The following ACRBP variants were observed in gnomAD, a reference collection of about 807,000 sequenced individuals.
ACRBP encodes acrosin-binding protein.
ACRBP carries 52 observed loss-of-function variants against 69.0 expected under a neutral mutation model. That is an observed-to-expected ratio of 0.75 (90% CI 0.60 to 0.95). ACRBP has a LOEUF of 0.95. Ranked by LOEUF, ACRBP falls within the 40% of genes least tolerant of loss-of-function variation. The probability of loss-of-function intolerance (pLI) is 0.00; values close to 1 mark genes in which losing one functional copy is unlikely to be tolerated. For synonymous variants in ACRBP, 267 were observed against 258.9 expected (o/e 1.03, Z -0.30); for missense variants, 604 against 673.0 (o/e 0.90, Z 1.13).
intron 8 of ACRBP, among the ~76,000 whole-genome samples, chr12:6,639,855 C>T (rs1949038046): frequency 6.6e-6 from 1 of 152,120 alleles, no homozygotes; most frequent in African/African-American, 2.4e-5. Flanking sequence ...CCCTCTGGGT[C>T]CCCACTCCTT....
chr12:6,646,828 C>T lies in ACRBP; in HGVS notation c.228G>A (p.Leu76=). The part of the protein sequence containing the change: ...HGCRNPTLVQ[L]DQYENHGLVP... ...CTAAGCCGTGGTTTTCATATTGGTCCAGCTGGACGAGTGTGGGATTCCGGC... is the reference window on the plus strand; with the variant it reads ...CTAAGCCGTGGTTTTCATATTGGTCTAGCTGGACGAGTGTGGGATTCCGGC... Residue 76 remains leucine, a synonymous_variant, in exon 2 of 10, where the codon CTG becomes CTA. Transcript: ENST00000229243. 2 of 1,614,076 alleles carry T rather than the reference C, an allele frequency of 1.2e-6. No homozygotes were observed. The highest frequency in any genetic ancestry group is 1.7e-6 in the Non-Finnish European group (2 of 1,180,026).
chr12:6,638,377 C>T lies in ACRBP; in HGVS notation c.1537G>A (p.Glu513Lys). Residue 513 changes from glutamate to lysine, a missense_variant, in exon 10 of 10, where the codon GAG (glutamate) becomes AAG (lysine). Transcript: ENST00000229243. ...CCAGGGCTCAGCGCACTGTAAGTCT[C>T]ATTCTGCAGACATCTCATGCGGGAC... is the stretch of plus-strand genomic sequence containing the variant. ...KVSRMRCLQN[E>K]TYSALSPGKS... 2 of 1,614,056 alleles carry T rather than the reference C, an allele frequency of 1.2e-6. No homozygotes were observed. The highest frequency in any genetic ancestry group is 8.5e-7 in the Non-Finnish European group (1 of 1,180,022).
intron 1 of ACRBP, 89 bp from the exon 2 acceptor site, chr12:6,647,101 G>C: frequency 7.9e-7 from 1 of 1,266,424 alleles, no homozygotes; most frequent in Non-Finnish European, 1.1e-6. Flanking sequence ...GGCAAATTAG[G>C]AACGGGGTGA....
Position 6,639,984 on chromosome 12 carries a change from C to T in ACRBP, c.1425+76G>A, listed in dbSNP as rs936513403. The T allele has an allele frequency of 2.1e-5, 32 of 1,542,868 alleles. No individual in the cohort carries two copies. The Middle Eastern group carries it at 5.2e-4, about 25-fold the overall frequency. ...GCCCAAGCCCCCTTCCACAAACTAG[C>T]GCTACTCACAGCAAGTAACTGGAAG... is the stretch of plus-strand genomic sequence containing the variant. On this transcript the variant is annotated intron_variant, in intron 8 of 9. Transcript: ENST00000229243.
In ACRBP at chr12:6,647,001, G is replaced by A. The variant is rs145112202; in HGVS notation, c.55C>T (p.Pro19Ser). 10 of 1,609,678 alleles carry A rather than the reference G, an allele frequency of 6.2e-6. No homozygotes were observed. The African/African-American group carries it at 1.1e-4, about 17-fold the overall frequency. Residue 19 changes from proline to serine, a missense_variant, in exon 2 of 10, where the codon CCT (proline) becomes TCT (serine). Transcript: ENST00000229243. Reference sequence around the variant, plus strand: ...TCCTGGGCTGCGGCAGGTGCCAGAGGCAGGAGCAGCACTGCGGAGCGGGCG... The same window carrying A: ...TCCTGGGCTGCGGCAGGTGCCAGAGACAGGAGCAGCACTGCGGAGCGGGCG... ...LPSLLKVLLL[P>S]LAPAAAQDST...
At position 6,647,404 on chromosome 12, in the gene ACRBP, C is replaced by A. The variant is rs1436542397; in HGVS notation, c.-38G>T. ...TCCGCCCGCGTCCCGTGGACACAAG[C>A]CGCCTCTAACGGGCCAAGCCGCAGA... On this transcript the variant is annotated 5_prime_UTR_variant, in exon 1 of 10. Transcript: ENST00000229243. The A allele has an allele frequency of 6.7e-7, 1 of 1,499,856 alleles. No individual in the cohort carries two copies. Among genetic ancestry groups the A allele is most frequent in the South Asian group, 1.3e-5 (1 of 78,952 alleles). The allele number at this position is 1,499,856 out of a possible 1,614,324, so 92.9% of individuals were successfully genotyped here. A position where few individuals can be genotyped will look rare whatever the true frequency, so the allele number is the denominator to read the frequency against.
chr12:6,646,969 A>C lies in ACRBP; in HGVS notation c.87T>G (p.Thr29=). Residue 29 remains threonine (T), a synonymous_variant, in exon 2 of 10, where the codon ACT becomes ACG. Coordinates refer to ENST00000229243, the MANE Select transcript of ACRBP (RefSeq NM_032489.3). ...GAGGGCTGCCTGGAGTGGAGGCCTG[A>C]GTCGAATCCTGGGCTGCGGCAGGTG... The part of the protein sequence containing the change: ...PLAPAAAQDS[T]QASTPGSPLS... The C allele has an allele frequency of 6.2e-7, 1 of 1,612,846 alleles. No individual in the cohort carries two copies. Among genetic ancestry groups the C allele is most frequent in the Non-Finnish European group, 8.5e-7 (1 of 1,179,880 alleles).
Position 6,638,518 on chromosome 12 carries a change from G to C in ACRBP, c.1510-114C>G, listed in dbSNP as rs1949027817. ...CGAGAGGTGGGCAGGCATGGGCACA[G>C]GGCAGTAGAGGGAAGGAGGAAACTC... On this transcript the variant is annotated intron_variant, in intron 9 of 9. Transcript: ENST00000229243. 4.2e-6 allele frequency: 6 copies of C among 1,421,766 alleles called. No individual in the cohort carries two copies. In the South Asian group the frequency reaches 5.9e-5, roughly 14 times the overall value. The allele number at this position is 1,421,766 out of a possible 1,614,324, so 88.1% of individuals were successfully genotyped here.
At position 6,640,071 on chromosome 12, in the gene ACRBP, A is replaced by G. The variant is rs376407616; in HGVS notation, c.1414T>C (p.Phe472Leu). 9.3e-6 allele frequency: 15 copies of G among 1,614,016 alleles called. No individual in the cohort carries two copies. The highest frequency in any genetic ancestry group is 1.3e-5 in the African/African-American group (1 of 74,914). The change falls in exon 8 of 10, where the codon TTC becomes CTC. Residue 472 changes from phenylalanine to leucine, a missense_variant. Physicochemically the swap from Phe to Leu is conservative, Grantham distance 22. Transcript: ENST00000229243. The surrounding 1 kb of genome is among the most constrained non-coding windows in gnomAD (Gnocchi z 5.3). ...TEFLSFQDGD[F>L]PTKICDTDYI... ...GGAAAGGTTCTAACCTTGGTAGGGA[A>G]ATCCCCATCCTGGAAGCTAAGGAAC...
Position 6,646,820 on chromosome 12 carries a change from T to A in ACRBP, c.236A>T (p.Tyr79Phe). The change falls in exon 2 of 10, where the codon TAT (tyrosine) becomes TTT (phenylalanine). Residue 79 changes from tyrosine (Y) to phenylalanine (F), a missense_variant. Around this residue, in one of 3 missense-constraint regions of ACRBP, gnomAD observed 532 missense variants for 562.9 expected, o/e 0.95. Coordinates refer to ENST00000229243, the MANE Select transcript of ACRBP (RefSeq NM_032489.3). ...ATCGGGCACTAAGCCGTGGTTTTCA[T>A]ATTGGTCCAGCTGGACGAGTGTGGG... Reference protein sequence around the residue: ...RNPTLVQLDQYENHGLVPDGA... With the variant: ...RNPTLVQLDQFENHGLVPDGA... 6.2e-7 allele frequency: 1 copy of A among 1,614,016 alleles called. No individual in the cohort carries two copies. The highest frequency in any genetic ancestry group is 8.5e-7 in the Non-Finnish European group (1 of 1,179,994).
chr12:6,644,885 C>A (rs899624544), intron 4 of ACRBP, among the ~76,000 whole-genome samples: 1 of 152,174 alleles, frequency 6.6e-6, no homozygotes. Context: ...TTAGGAAACA[C>A]CAAGTATGCT....
In ACRBP at chr12:6,640,590, C is replaced by A; in HGVS notation, c.1078-68G>T. 6.5e-7 allele frequency: 1 copy of A among 1,533,182 alleles called. No homozygotes were observed. 95.0% of individuals were successfully genotyped at this position (1,533,182 alleles called of 1,614,324 possible). A position where few individuals can be genotyped will look rare whatever the true frequency, so the allele number is the denominator to read the frequency against. On this transcript the variant is annotated intron_variant, in intron 6 of 9. Coordinates refer to ENST00000229243, the MANE Select transcript of ACRBP (RefSeq NM_032489.3). The surrounding 1 kb of genome is among the most constrained non-coding windows in gnomAD (Gnocchi z 5.3). ...GCCTGCCTTCTCCCATGCCTCAGCC[C>A]TCCAGGGTGGGCCCTGCAGAATGTC...
At position 6,647,330 on chromosome 12, in the gene ACRBP, G is replaced by T; in HGVS notation, c.37C>A (p.Leu13Met). ...KPAAGFLPSLLKVLLLPLAPA... is the reference protein window; with the variant it reads ...KPAAGFLPSLMKVLLLPLAPA... Reference sequence around the variant, plus strand: ...GCAGGTGTAAACCTCTCACCCTTCAGGAGTGAGGGAAGGAAGCCAGCGGCT... The same window carrying T: ...GCAGGTGTAAACCTCTCACCCTTCATGAGTGAGGGAAGGAAGCCAGCGGCT... The change falls in exon 1 of 10, where the codon CTG (leucine) becomes ATG (methionine). Residue 13 changes from leucine to methionine, a missense_variant. Leu to Met is a conservative substitution (Grantham distance 15). Transcript: ENST00000229243. 1 of 1,552,068 alleles carries T rather than the reference G, an allele frequency of 6.4e-7. No homozygotes were observed. The highest frequency in any genetic ancestry group is 1.2e-5 in the South Asian group (1 of 84,240).
In ACRBP at chr12:6,640,667, TCCC is replaced by T. The variant is rs1407109206; in HGVS notation, c.1078-148_1078-146del. 2.4e-6 allele frequency: 2 copies of T among 847,464 alleles called. No homozygotes were observed. The highest frequency in any genetic ancestry group is 3.6e-6 in the Non-Finnish European group (2 of 558,954). The allele number at this position is 847,464 out of a possible 1,614,324, so 52.5% of individuals were successfully genotyped here. A position where few individuals can be genotyped will look rare whatever the true frequency, so the allele number is the denominator to read the frequency against. ...TCTCTGGGTTTTCTACTTGGCCTCC[TCCC>T]CAAGGGTTCCTCAAGGACCTTGCCT... is the stretch of plus-strand genomic sequence containing the variant. On this transcript the variant is annotated intron_variant, in intron 6 of 9. Transcript: ENST00000229243. The surrounding 1 kb of genome is among the most constrained non-coding windows in gnomAD (Gnocchi z 5.3).
chr12:6,640,466 G>C lies in ACRBP; in HGVS notation c.1134C>G (p.Cys378Trp). Residue 378 changes from cysteine (C) to tryptophan (W), a missense_variant, in exon 7 of 10, where the codon TGC becomes TGG. Around this residue, in one of 3 missense-constraint regions of ACRBP, gnomAD observed 532 missense variants for 562.9 expected, o/e 0.95. Transcript: ENST00000229243. This position sits in a 1 kb window ranked among gnomAD's most constrained non-coding sequence, Gnocchi z 5.3. ...AGTGGCACTGCTCCAGCTTCAAGGA[G>C]CAGAAGTCACAGAGGGCACAGGTAG... ...HMSTCALCDF[C>W]SLKLEQCHSE... 1 of 1,614,162 alleles carries C rather than the reference G, an allele frequency of 6.2e-7. No individual in the cohort carries two copies. Among genetic ancestry groups the C allele is most frequent in the Non-Finnish European group, 8.5e-7 (1 of 1,180,018 alleles).
In ACRBP at chr12:6,644,287, G is replaced by A; in HGVS notation, c.794C>T (p.Pro265Leu). 1 of 1,614,164 alleles carries A rather than the reference G, an allele frequency of 6.2e-7. No homozygotes were observed. Among genetic ancestry groups the A allele is most frequent in the Non-Finnish European group, 8.5e-7 (1 of 1,180,040 alleles). ...TCGTACCCGGGGAGCAAAAGAGGAA[G>A]GGTTAGAAGATAGAGATTCAGAGTG... Reference protein sequence around the residue: ...KFHSESLSSNPSSFAPRVREV... With the variant: ...KFHSESLSSNLSSFAPRVREV... The change falls in exon 5 of 10, where the codon CCT becomes CTT. Residue 265 changes from proline to leucine, a missense_variant. Physicochemically the swap from Pro to Leu is moderately conservative, Grantham distance 98 (BLOSUM62 -3). Transcript: ENST00000229243.
Position 6,644,402 on chromosome 12 carries a change from C to T in ACRBP, c.679G>A (p.Glu227Lys). The T allele has an allele frequency of 1.9e-6, 3 of 1,614,086 alleles. No individual in the cohort carries two copies. Among genetic ancestry groups the T allele is most frequent in the Non-Finnish European group, 2.5e-6 (3 of 1,180,002 alleles). The change falls in exon 5 of 10, where the codon GAA becomes AAA. Residue 227 changes from glutamate (E) to lysine (K), a missense_variant. This residue lies in a region of ACRBP where 532 missense variants were observed against 562.9 expected (regional missense o/e 0.95). Coordinates refer to ENST00000229243, the MANE Select transcript of ACRBP (RefSeq NM_032489.3). ...QKQEEQEEEQ[E>K]EEGKQEEGQG... ...CCTTCTTCCTGCTTTCCCTCCTCTT[C>T]CTGTTCCTCTTCTTGCTCTTCCTGT... is the stretch of plus-strand genomic sequence containing the variant.
At position 6,638,681 on chromosome 12, in the gene ACRBP, C is replaced by G. The variant is rs185843690; in HGVS notation, c.1509+273G>C. 4.2e-5 allele frequency: 60 copies of G among 1,421,286 alleles called. 1 individual carries two copies. The East Asian group carries it at 1.5e-3, about 35-fold the overall frequency. The allele number at this position is 1,421,286 out of a possible 1,614,324, so 88.0% of individuals were successfully genotyped here. On this transcript the variant is annotated intron_variant, in intron 9 of 9. Coordinates refer to ENST00000229243, the MANE Select transcript of ACRBP (RefSeq NM_032489.3). ...GTAAGAAGAGGAGACAGACCGAGAC[C>G]TCAACGTCCAAGTCCTGGCCCAGCC...
intron 9 of ACRBP, 141 bp from the exon 10 acceptor site, chr12:6,638,545 A>G (rs1949027958): frequency 1.5e-6 from 2 of 1,314,876 alleles, no homozygotes; most frequent in African/African-American, 2.9e-5. Flanking sequence ...AGGAAACTCA[A>G]ATGTGGGTTT....
Sources: allele counts gnomAD v4.1 joint callset (sites outside exome capture counted in the v4.1 genomes callset), GRCh38; gene constraint gnomAD v4.1.1; regional missense constraint gnomAD v4.1.1; non-coding constraint Gnocchi (gnomAD v3.1); transcripts MANE v1.5; gene names NCBI Gene and HGNC (gene_info 2026-07-23, HGNC 2026-07-21).